Variants in MYCBP2 observed in about 807,000 individuals in gnomAD.
MYCBP2 encodes MYC binding protein 2.
A neutral mutation model predicts 525.3 loss-of-function variants in MYCBP2; 120 were observed. That is an observed-to-expected ratio of 0.23 (90% CI 0.20 to 0.27). MYCBP2 has a LOEUF of 0.27. Among genes scored for constraint, MYCBP2 ranks in the 10% least tolerant of loss-of-function variants. MYCBP2 has a pLI of 1.00. For synonymous variants in MYCBP2, 1,894 were observed against 1,955.8 expected (o/e 0.97, Z 0.83); for missense variants, 4,149 against 5,657.1 (o/e 0.73, Z 8.55).
chr13:77,160,291 T>C (rs187496407), intron 44 of MYCBP2, among the ~76,000 whole-genome samples: 35 of 152,304 alleles, frequency 2.3e-4, no homozygotes, highest in Admixed American at 1.9e-3. Context: ...GTGCAGTTGC[T>C]CACTAGCTGT....
In MYCBP2 at chr13:77,098,772, G is replaced by C. The variant is rs918458433; in HGVS notation, c.8382C>G (p.Thr2794=). ...HSRSLSPNHN[T]LQTLKSDGRM... ...TCCCATCAGATTTCAATGTCTGCAA[G>C]GTGTTATGGTTGGGGGATAATGACC... The change falls in exon 56 of 83, where the codon ACC becomes ACG. Residue 2794 remains threonine, a synonymous_variant. Coordinates refer to ENST00000544440, the MANE Select transcript of MYCBP2 (RefSeq NM_015057.5). 6.2e-7 allele frequency: 1 copy of C among 1,613,508 alleles called. No homozygotes were observed. Among genetic ancestry groups the C allele is most frequent in the Middle Eastern group, 1.7e-4 (1 of 6,054 alleles).
chr13:77,203,429 A>C (rs1319191285), intron 26 of MYCBP2, among the ~76,000 whole-genome samples: 2 of 152,194 alleles, frequency 1.3e-5, no homozygotes, highest in African/African-American at 4.8e-5. Context: ...TCCCATGCTC[A>C]TGGGTAGGAA....
chr13:77,326,805 C>G lies in MYCBP2; in HGVS notation c.-30G>C. On this transcript the variant is annotated 5_prime_UTR_variant, in exon 1 of 83. Coordinates refer to ENST00000544440, the MANE Select transcript of MYCBP2 (RefSeq NM_015057.5). This position sits in a 1 kb window ranked among gnomAD's most constrained non-coding sequence, Gnocchi z 4.2. ...GCCGCCGCCGCCGCCGCCGCCGCCT[C>G]GTCCCCGCGGGCCGGGCGGGCAGAC... 4 of 1,397,642 alleles carry G rather than the reference C, an allele frequency of 2.9e-6. No homozygotes were observed. Among genetic ancestry groups the G allele is most frequent in the Non-Finnish European group, 3.7e-6 (4 of 1,088,864 alleles). The allele number at this position is 1,397,642 out of a possible 1,614,324, so 86.6% of individuals were successfully genotyped here.
In MYCBP2 at chr13:77,171,430, T is replaced by C. The variant is rs2059133603; in HGVS notation, c.5794+62A>G. The C allele has an allele frequency of 2.0e-6, 3 of 1,514,798 alleles. No homozygotes were observed. The African/African-American group carries it at 4.2e-5, about 21-fold the overall frequency. 93.8% of individuals were successfully genotyped at this position (1,514,798 alleles called of 1,614,324 possible). A position where few individuals can be genotyped will look rare whatever the true frequency, so the allele number is the denominator to read the frequency against. On this transcript the variant is annotated intron_variant, in intron 38 of 82. Transcript: ENST00000544440. ...ATAGAAGGCTCCTCTTCAATAATTC[T>C]ATGCAAAAATTTAGTGAATAAAGAA...
intron 79 of MYCBP2, among the ~76,000 whole-genome samples, chr13:77,056,784 A>G (rs552813035): frequency 1.3e-5 from 2 of 152,340 alleles, no homozygotes; most frequent in East Asian, 3.9e-4. Context: ...ACAGAATGTA[A>G]TCAGTTTTAA....
intron 15 of MYCBP2, among the ~76,000 whole-genome samples, chr13:77,247,223 C>G (rs1008338998): frequency 6.6e-6 from 1 of 151,870 alleles, no homozygotes; most frequent in Non-Finnish European, 1.5e-5. Context: ...AGATTGCACT[C>G]AAAAAAACCA....
At chr13:77,323,652 G>C (rs575645188) in intron 1 of MYCBP2, among the ~76,000 whole-genome samples, 2 of 152,188 alleles carry the variant, frequency 1.3e-5, no homozygotes, top group Non-Finnish European at 1.5e-5. Flanking sequence ...TTTCCAAGAC[G>C]GCAGAGACTT....
intron 49 of MYCBP2, among the ~76,000 whole-genome samples, chr13:77,142,712 G>C (rs1327807676): frequency 2.0e-5 from 3 of 152,166 alleles, no homozygotes; most frequent in East Asian, 1.9e-4. Flanking sequence ...AATGTCTCAA[G>C]TGAGACTACC....
chr13:77,262,227 T>C lies in MYCBP2; in HGVS notation c.1571-98A>G, dbSNP rs901118503. 9.2e-5 allele frequency: 90 copies of C among 983,276 alleles called. 1 individual carries two copies. The highest frequency in any genetic ancestry group is 1.3e-4 in the Non-Finnish European group (85 of 675,976). 60.9% of individuals were successfully genotyped at this position (983,276 alleles called of 1,614,324 possible). A position where few individuals can be genotyped will look rare whatever the true frequency, so the allele number is the denominator to read the frequency against. On this transcript the variant is annotated intron_variant, in intron 10 of 82. Transcript: ENST00000544440. ...AAGTGATTGCAATGTCAATTCAAAA[T>C]CACTAAAAAACAAGGATGACAAAAT...
chr13:77,286,595 T>C (rs1261209055), intron 3 of MYCBP2, among the ~76,000 whole-genome samples: 2 of 146,330 alleles, frequency 1.4e-5, no homozygotes, highest in East Asian at 2.1e-4. Flanking sequence ...CTACTAAAAA[T>C]ACAAAAAAAA....
At position 77,081,909 on chromosome 13, in the gene MYCBP2, T is replaced by G. The variant is rs1234675784; in HGVS notation, c.11121A>C (p.Ser3707=). 2 of 1,613,604 alleles carry G rather than the reference T, an allele frequency of 1.2e-6. No individual in the cohort carries two copies. The highest frequency in any genetic ancestry group is 4.5e-5 in the East Asian group (2 of 44,856). Residue 3707 remains serine, a synonymous_variant, in exon 64 of 83, where the codon TCA becomes TCC. Transcript: ENST00000544440. The surrounding 1 kb of genome is among the most constrained non-coding windows in gnomAD (Gnocchi z 4.6). ...NVFHHINNIL[S]KSDDGDSEES... is the part of the protein sequence containing the mutation. ...CTTCACTATCGCCATCATCTGACTT[T>G]GACAAAATATTGTTAATGTGATGAA... is the stretch of plus-strand genomic sequence containing the variant.
At chr13:77,068,414 A>AAAAAAAAAAAAAAAAAAAAAG in intron 70 of MYCBP2, 151 bp downstream of exon 70, 1 of 844,674 alleles carries the variant, frequency 1.2e-6, no homozygotes, top group Non-Finnish European at 1.8e-6. Context: ...ACAGTAAAAA[A>AAAAAAAAAAAAAAAAAAAAAG]GGGAGTAAAA....
chr13:77,099,044 T>G (rs768230726), intron 55 of MYCBP2, 31 bp from the exon 56 acceptor site: 2 of 1,584,772 alleles, frequency 1.3e-6, no homozygotes, highest in Non-Finnish European at 1.7e-6. Flanking sequence ...TGAAACTTAT[T>G]AATAAAATTA....
chr13:77,198,007 T>G (rs1449097587), intron 26 of MYCBP2, among the ~76,000 whole-genome samples: 1 of 152,202 alleles, frequency 6.6e-6, no homozygotes, highest in South Asian at 2.1e-4. Flanking sequence ...CGTTGTTCAC[T>G]ATTCCGAAAA....
At chr13:77,250,034 T>C (rs1260780857) in intron 15 of MYCBP2, among the ~76,000 whole-genome samples, 1 of 151,798 alleles carries the variant, frequency 6.6e-6, no homozygotes, top group Non-Finnish European at 1.5e-5. Context: ...CCATCCCGGC[T>C]AAAACGGTGA....
intron 47 of MYCBP2, among the ~76,000 whole-genome samples, chr13:77,148,299 T>A (rs1401475886): frequency 6.6e-6 from 1 of 151,988 alleles, no homozygotes; most frequent in African/African-American, 2.4e-5. Flanking sequence ...CAGTGGACAA[T>A]TCACCTAGAA....
rs1268830695 is a variant in MYCBP2 at position 77,263,729 on chromosome 13, G to T, written c.1492C>A (p.Gln498Lys). The change falls in exon 10 of 83, where the codon CAA becomes AAA. Residue 498 changes from glutamine (Q) to lysine (K), a missense_variant. By Grantham distance (53) the Gln-to-Lys change is moderately conservative. Coordinates refer to ENST00000544440, the MANE Select transcript of MYCBP2 (RefSeq NM_015057.5). ...STEPVLQQEL[Q>K]LKLARKCLHA... ...AAGCATTTTCTAGCCAGTTTAAGTT[G>T]CAATTCTTGCTGTAGAACAGGTTCA... is the stretch of plus-strand genomic sequence containing the variant. The T allele has an allele frequency of 6.2e-7, 1 of 1,613,146 alleles. No homozygotes were observed. Among genetic ancestry groups the T allele is most frequent in the Non-Finnish European group, 8.5e-7 (1 of 1,179,432 alleles).
In MYCBP2 at chr13:77,217,826, T is replaced by A. The variant is rs1390641939; in HGVS notation, c.3057+14A>T. On this transcript the variant is annotated intron_variant, in intron 21 of 82. Coordinates refer to ENST00000544440, the MANE Select transcript of MYCBP2 (RefSeq NM_015057.5). ...GTATAATGCAATATTATTAATGTTT[T>A]AAAAATTCCTTACAGAAAAACTTCC... is the stretch of plus-strand genomic sequence containing the variant. 6.5e-7 allele frequency: 1 copy of A among 1,545,492 alleles called. No individual in the cohort carries two copies. Among genetic ancestry groups the A allele is most frequent in the East Asian group, 2.3e-5 (1 of 44,304 alleles).
intron 34 of MYCBP2, among the ~76,000 whole-genome samples, chr13:77,178,642 C>T (rs964462017): frequency 1.3e-5 from 2 of 152,318 alleles, no homozygotes; most frequent in Admixed American, 1.3e-4. Context: ...TACTTCTAAT[C>T]TAACTTGGCT....
Sources: gnomAD v4.1 joint callset for allele counts (sites outside exome capture counted in the v4.1 genomes callset) on GRCh38, gnomAD v4.1.1 for gene constraint, Gnocchi (gnomAD v3.1) non-coding constraint, MANE v1.5 for transcripts, NCBI Gene and HGNC (gene_info 2026-07-23, HGNC 2026-07-21) for gene names.